Variants in REEP3 observed in about 807,000 individuals in gnomAD.
The protein encoded by REEP3 is receptor expression-enhancing protein 3.
A neutral mutation model predicts 41.3 loss-of-function variants in REEP3; 20 were observed. The ratio of observed to expected loss-of-function variants is 0.48; its 90% confidence interval spans 0.34 to 0.70. REEP3 has a LOEUF of 0.70. Among genes scored for constraint, REEP3 ranks in the 30% least tolerant of loss-of-function variants. REEP3 has a pLI of 0.01. For missense variants in REEP3, 271 were observed against 308.8 expected, an observed-to-expected ratio of 0.88 and a Z score of 0.92; for synonymous variants, 104 against 101.8, an observed-to-expected ratio of 1.02 and a Z score of -0.13.
At chr10:63,566,120 G>A (rs539608186) in intron 1 of REEP3, among the ~76,000 whole-genome samples, 77 of 152,140 alleles carry the variant, frequency 5.1e-4, no homozygotes, top group African/African-American at 1.8e-3. Flanking sequence ...TCCTGACCTC[G>A]TGATCCACCT....
chr10:63,534,993 A>T (rs572517398), intron 1 of REEP3, among the ~76,000 whole-genome samples: 1 of 152,188 alleles, frequency 6.6e-6, no homozygotes, highest in East Asian at 1.9e-4. Context: ...CTTCTCTTTT[A>T]TTCTTTCCTC....
chr10:63,605,432 A>G (rs986343726), intron 5 of REEP3, among the ~76,000 whole-genome samples: 2 of 152,204 alleles, frequency 1.3e-5, no homozygotes, highest in African/African-American at 2.4e-5. Context: ...TCAACAAGAA[A>G]TAGAGCTTAG....
intron 1 of REEP3, among the ~76,000 whole-genome samples, chr10:63,535,840 C>T (rs751385807): frequency 2.6e-5 from 4 of 152,032 alleles, no homozygotes; most frequent in African/African-American, 4.8e-5. Flanking sequence ...AAAAATAAAT[C>T]GTAAATGTAT....
At chr10:63,533,710 C>CTTT (rs71025187) in intron 1 of REEP3, among the ~76,000 whole-genome samples, 14 of 101,134 alleles carry the variant, frequency 1.4e-4, no homozygotes, top group South Asian at 4.0e-4. Flanking sequence ...GTATGTAAAT[C>CTTT]TTTTTTTTTT....
At chr10:63,571,269 A>G (rs190451829) in intron 2 of REEP3, among the ~76,000 whole-genome samples, 80 of 152,282 alleles carry the variant, frequency 5.3e-4, no homozygotes, top group African/African-American at 1.9e-3. Flanking sequence ...TAATTTTTTG[A>G]AACAAATTAT....
intron 2 of REEP3, among the ~76,000 whole-genome samples, chr10:63,571,987 T>C (rs1955856551): frequency 6.6e-6 from 1 of 152,156 alleles, no homozygotes; most frequent in Admixed American, 6.5e-5. Flanking sequence ...AGCCAGTGAA[T>C]ATGCATCTGA....
intron 2 of REEP3, among the ~76,000 whole-genome samples, chr10:63,584,372 G>A (rs1476299856): frequency 6.7e-6 from 1 of 149,594 alleles, no homozygotes; most frequent in Non-Finnish European, 1.5e-5. Context: ...CCAAAGTTGA[G>A]GGAGCTCACA....
intron 2 of REEP3, among the ~76,000 whole-genome samples, chr10:63,570,889 C>G (rs1005410111): frequency 7.9e-5 from 12 of 152,152 alleles, no homozygotes; most frequent in African/African-American, 2.7e-4. Flanking sequence ...CTGAAGCAGG[C>G]TGATCTCTTG....
chr10:63,552,255 A>C (rs1420247329), intron 1 of REEP3, among the ~76,000 whole-genome samples: 3 of 151,788 alleles, frequency 2.0e-5, no homozygotes, highest in Non-Finnish European at 2.9e-5. Context: ...ATACAAAAAA[A>C]AAAAAATTAG....
intron 6 of REEP3, among the ~76,000 whole-genome samples, chr10:63,615,421 T>C (rs1956304576): frequency 6.6e-6 from 1 of 152,194 alleles, no homozygotes; most frequent in Non-Finnish European, 1.5e-5. Flanking sequence ...CCCAAAGTGC[T>C]AAGATTACAG....
At position 63,566,370 on chromosome 10, in the gene REEP3, A is replaced by G; in HGVS notation, c.65A>G (p.Tyr22Cys). The G allele has an allele frequency of 6.4e-7, 1 of 1,553,582 alleles. No homozygotes were observed. The highest frequency in any genetic ancestry group is 8.7e-7 in the Non-Finnish European group (1 of 1,145,520). Residue 22 changes from tyrosine to cysteine, a missense_variant, in exon 2 of 8, where the codon TAT (tyrosine) becomes TGT (cysteine). Coordinates refer to ENST00000373758, the MANE Select transcript of REEP3 (RefSeq NM_001001330.3). The part of the protein sequence containing the change: ...LVFGMLYPAY[Y>C]SYKAVKTKNV... ...TTTGGAATGCTTTATCCTGCATATTATTCATACAAAGCTGTGAAAACAAAA... is the reference window on the plus strand; with the variant it reads ...TTTGGAATGCTTTATCCTGCATATTGTTCATACAAAGCTGTGAAAACAAAA...
chr10:63,521,595 C>A lies in REEP3; in HGVS notation c.32+18C>A. On this transcript the variant is annotated intron_variant, in intron 1 of 7. Transcript: ENST00000373758. ...GCCGTGGTGTAAGTGCCTCTCACTG[C>A]GCCCTGCAGCCGGCGCGAGGCCCAG... is the stretch of plus-strand genomic sequence containing the variant. 7.1e-7 allele frequency: 1 copy of A among 1,401,298 alleles called. No homozygotes were observed. The allele number at this position is 1,401,298 out of a possible 1,614,324, so 86.8% of individuals were successfully genotyped here.
At chr10:63,568,383 C>T (rs1207415744) in intron 2 of REEP3, among the ~76,000 whole-genome samples, 1 of 151,760 alleles carries the variant, frequency 6.6e-6, no homozygotes, top group Non-Finnish European at 1.5e-5. Flanking sequence ...TCTCCTGCCT[C>T]AGCCTCCCAA....
At chr10:63,546,200 G>T (rs1299212124) in intron 1 of REEP3, among the ~76,000 whole-genome samples, 1 of 152,140 alleles carries the variant, frequency 6.6e-6, no homozygotes, top group African/African-American at 2.4e-5. Context: ...CAGATTTTGT[G>T]TTTTAAAAGC....
chr10:63,537,371 C>T (rs940176666), intron 1 of REEP3, among the ~76,000 whole-genome samples: 15 of 152,072 alleles, frequency 9.9e-5, no homozygotes, highest in Admixed American at 6.5e-4. Flanking sequence ...GTCTATTTTT[C>T]AGAAAAGACA....
At chr10:63,593,108 A>G (rs995580496) in intron 2 of REEP3, among the ~76,000 whole-genome samples, 26 of 152,294 alleles carry the variant, frequency 1.7e-4, no homozygotes, top group African/African-American at 5.5e-4. Context: ...TCACATTACA[A>G]TTGCTTCAGA....
chr10:63,613,893 A>T (rs1234226414), intron 6 of REEP3, among the ~76,000 whole-genome samples: 1 of 152,218 alleles, frequency 6.6e-6, no homozygotes, highest in Admixed American at 6.5e-5. Context: ...ATATTTTTAT[A>T]ATCTTCAGAT....
intron 5 of REEP3, among the ~76,000 whole-genome samples, chr10:63,606,650 T>C (rs1194247192): frequency 6.6e-6 from 1 of 152,180 alleles, no homozygotes; most frequent in Admixed American, 6.5e-5. Context: ...AACCAATCCC[T>C]TTTAGCATTG....
intron 2 of REEP3, among the ~76,000 whole-genome samples, chr10:63,568,687 C>G (rs984447208): frequency 8.6e-6 from 1 of 116,134 alleles, no homozygotes; most frequent in East Asian, 2.5e-4. Context: ...CAGGGTCTTG[C>G]TGTTATCACC....
Sources: allele counts gnomAD v4.1 joint callset (sites outside exome capture counted in the v4.1 genomes callset), GRCh38; gene constraint gnomAD v4.1.1; transcripts MANE v1.5; gene names NCBI Gene and HGNC (gene_info 2026-07-23, HGNC 2026-07-21).